Variants in ABI3BP observed in about 807,000 individuals in gnomAD.
ABI3BP encodes the protein target of Nesh-SH3.
In ABI3BP, 216 loss-of-function variants were observed where a neutral mutation model predicts 268.6. The observed-to-expected ratio is 0.80, with a 90% CI of 0.72 to 0.90. The LOEUF (loss-of-function observed/expected upper bound fraction) is 0.90. Among genes scored for constraint, ABI3BP ranks in the 40% least tolerant of loss-of-function variants. ABI3BP has a pLI of 0.00. For missense variants in ABI3BP, 2,090 were observed against 2,182.4 expected, an observed-to-expected ratio of 0.96 and a Z score of 0.84; for synonymous variants, 730 against 730.0, an observed-to-expected ratio of 1.00 and a Z score of 0.00.
intron 59 of ABI3BP, among the ~76,000 whole-genome samples, chr3:100,775,914 G>C (rs1293747720): frequency 6.6e-6 from 1 of 152,156 alleles, no homozygotes; most frequent in Non-Finnish European, 1.5e-5. Flanking sequence ...AGCAAAGGCA[G>C]TGGGACAGGA....
chr3:100,938,871 G>T lies in ABI3BP; in HGVS notation c.80-12390C>A, dbSNP rs190366812. On this transcript the variant is annotated intron_variant, in intron 1 of 67. Transcript: ENST00000471714. ...CCCTCCTGCAGTGGTATGATGGCAT[G>T]AAAGAACAAAGTAGGTAAAAGGAAT... 6.6e-3 allele frequency among the ~76,000 whole-genome samples: 999 copies of T among 152,220 alleles called. 6 individuals are homozygous for T. The highest frequency in any genetic ancestry group is 0.01 in the Non-Finnish European group (685 of 67,996).
chr3:100,943,864 A>C (rs2070761548), intron 1 of ABI3BP, among the ~76,000 whole-genome samples: 2 of 152,200 alleles, frequency 1.3e-5, no homozygotes, highest in East Asian at 1.9e-4. Flanking sequence ...ATGATGATAA[A>C]ATTTTTTCCA....
chr3:100,863,893 C>T, intron 12 of ABI3BP, 109 bp downstream of exon 12: 3 of 833,962 alleles, frequency 3.6e-6, no homozygotes, highest in Middle Eastern at 6.0e-4. Context: ...GACTGTGTCA[C>T]CTTTAAGGGA....
intron 2 of ABI3BP, among the ~76,000 whole-genome samples, chr3:100,923,817 TA>T (rs2060995591): frequency 6.6e-6 from 1 of 151,990 alleles, no homozygotes; most frequent in African/African-American, 2.4e-5. Context: ...AATAAAATAA[TA>T]GATCTGGGCA....
chr3:100,944,616 T>C (rs571999297), intron 1 of ABI3BP, among the ~76,000 whole-genome samples: 7 of 152,178 alleles, frequency 4.6e-5, no homozygotes, highest in African/African-American at 1.7e-4. Context: ...ATAAATCTGA[T>C]TTTTTAAAGT....
At position 100,838,384 on chromosome 3, in the gene ABI3BP, A is replaced by T. The variant is rs2152891747; in HGVS notation, c.2008+18T>A. 1 of 1,534,336 alleles carries T rather than the reference A, an allele frequency of 6.5e-7. No individual in the cohort carries two copies. Among genetic ancestry groups the T allele is most frequent in the South Asian group, 1.2e-5 (1 of 84,042 alleles). ...TGTTTTCCTATTTATAGATCAAGGC[A>T]TTGAAAGTAATGATTACCAGGCTGA... On this transcript the variant is annotated intron_variant, in intron 25 of 67. Coordinates refer to ENST00000471714, the MANE Select transcript of ABI3BP (RefSeq NM_001375547.2).
intron 1 of ABI3BP, among the ~76,000 whole-genome samples, chr3:100,934,698 C>G (rs1192752270): frequency 6.6e-6 from 1 of 151,950 alleles, no homozygotes; most frequent in Non-Finnish European, 1.5e-5. Flanking sequence ...GATGGTATCT[C>G]ATTGTGGTTT....
intron 1 of ABI3BP, among the ~76,000 whole-genome samples, chr3:100,983,029 C>G (rs1407885189): frequency 6.6e-6 from 1 of 152,226 alleles, no homozygotes; most frequent in Non-Finnish European, 1.5e-5. Context: ...CACATGCCCA[C>G]ACACACGTGC....
intron 1 of ABI3BP, among the ~76,000 whole-genome samples, chr3:100,940,486 C>A (rs2068472309): frequency 6.6e-6 from 1 of 151,872 alleles, no homozygotes; most frequent in East Asian, 2.0e-4. Context: ...TTATTTGTGA[C>A]TATATACATT....
rs553827401 is a variant in ABI3BP at position 100,875,390 on chromosome 3, G to A, written c.817+118C>T. On this transcript the variant is annotated intron_variant, in intron 8 of 67. Transcript: ENST00000471714. ...CGAGCCAGGATGCTAAACAGTGAAA[G>A]GAAGTGAACCACATCAATTAAACAG... The A allele has an allele frequency of 5.3e-6, 4 of 753,908 alleles. No homozygotes were observed. The South Asian group carries it at 6.6e-5, about 12-fold the overall frequency. The allele number at this position is 753,908 out of a possible 1,614,324, so 46.7% of individuals were successfully genotyped here. A position where few individuals can be genotyped will look rare whatever the true frequency, so the allele number is the denominator to read the frequency against.
At chr3:100,952,462 T>C (rs1220527977) in intron 1 of ABI3BP, among the ~76,000 whole-genome samples, 1 of 152,188 alleles carries the variant, frequency 6.6e-6, no homozygotes, top group Non-Finnish European at 1.5e-5. Context: ...TCATATGTAC[T>C]ATATACTGCA....
chr3:100,947,966 G>A (rs1420876116), intron 1 of ABI3BP, among the ~76,000 whole-genome samples: 1 of 152,092 alleles, frequency 6.6e-6, no homozygotes, highest in Non-Finnish European at 1.5e-5. Flanking sequence ...GTCAGCCAAC[G>A]TTTAAGTGTG....
At chr3:100,811,599 G>T in intron 47 of ABI3BP, 129 bp downstream of exon 47, 1 of 903,820 alleles carries the variant, frequency 1.1e-6, no homozygotes, top group Non-Finnish European at 1.7e-6. Flanking sequence ...GTTGGAAGCT[G>T]TAGCTCCTTC....
At chr3:100,778,706 A>G (rs942581320) in intron 58 of ABI3BP, 5 of 250,150 alleles carry the variant, frequency 2.0e-5, no homozygotes, top group Non-Finnish European at 3.8e-5. Context: ...AAAAACCACA[A>G]TAAAAATAAC....
intron 63 of ABI3BP, among the ~76,000 whole-genome samples, chr3:100,757,305 C>T (rs1045972694): frequency 7.5e-5 from 10 of 132,786 alleles, no homozygotes; most frequent in African/African-American, 2.5e-4. Flanking sequence ...CTACTCTGCC[C>T]AGCAAAATGA....
chr3:100,916,551 A>G (rs1025438686), intron 2 of ABI3BP, among the ~76,000 whole-genome samples: 2 of 152,210 alleles, frequency 1.3e-5, no homozygotes, highest in African/African-American at 4.8e-5. Flanking sequence ...AGTGGGGCAA[A>G]GAGAATGCTA....
At chr3:100,907,780 A>C (rs1582931980) in intron 2 of ABI3BP, among the ~76,000 whole-genome samples, 1 of 145,098 alleles carries the variant, frequency 6.9e-6, no homozygotes, top group African/African-American at 2.9e-5. Flanking sequence ...ATACAATAAT[A>C]AATTATTACC....
At chr3:100,852,452 T>G (rs1228907201) in intron 14 of ABI3BP, among the ~76,000 whole-genome samples, 1 of 152,150 alleles carries the variant, frequency 6.6e-6, no homozygotes, top group Non-Finnish European at 1.5e-5. Flanking sequence ...ATTGAACCCT[T>G]TTAACATCCC....
At chr3:100,800,262 T>C (rs1232072900) in intron 51 of ABI3BP, among the ~76,000 whole-genome samples, 1 of 151,920 alleles carries the variant, frequency 6.6e-6, no homozygotes, top group Non-Finnish European at 1.5e-5. Flanking sequence ...ATCACAGCCA[T>C]CTTTCTAAAA....
Sources: gnomAD v4.1 joint callset for allele counts (sites outside exome capture counted in the v4.1 genomes callset) on GRCh38, gnomAD v4.1.1 for gene constraint, MANE v1.5 for transcripts, NCBI Gene and HGNC (gene_info 2026-07-23, HGNC 2026-07-21) for gene names.